Variants in MTREX observed in about 807,000 individuals in gnomAD.
The protein encoded by MTREX is Mtr4 exosome RNA helicase, also known as exosome RNA helicase MTR4.
In MTREX, 76 loss-of-function variants were observed where a neutral mutation model predicts 135.4. The observed-to-expected ratio is 0.56, with a 90% CI of 0.47 to 0.68. The LOEUF is 0.68. Ranked by LOEUF, MTREX falls within the 30% of genes least tolerant of loss-of-function variation. MTREX has a pLI of 0.00. For missense variants in MTREX, 920 were observed against 1,262.1 expected, an observed-to-expected ratio of 0.73 and a Z score of 4.11; for synonymous variants, 404 against 401.6, an observed-to-expected ratio of 1.01 and a Z score of -0.07.
chr5:55,343,163 T>G (rs570796665), intron 7 of MTREX, among the ~76,000 whole-genome samples, 168 bp from the exon 8 acceptor site: 1 of 152,218 alleles, frequency 6.6e-6, no homozygotes, highest in Admixed American at 6.5e-5. Flanking sequence ...TTCTACTGGA[T>G]AGATTAATGG....
At chr5:55,336,463 A>C (rs530344352) in intron 5 of MTREX, among the ~76,000 whole-genome samples, 39 of 152,326 alleles carry the variant, frequency 2.6e-4, no homozygotes, top group African/African-American at 9.4e-4. Context: ...TATTTTGTGA[A>C]ATGATTTTTC....
chr5:55,373,421 G>A (rs1209204815), intron 16 of MTREX, among the ~76,000 whole-genome samples: 3 of 151,780 alleles, frequency 2.0e-5, no homozygotes, highest in Non-Finnish European at 4.4e-5. Flanking sequence ...GGGAACTTTT[G>A]GATAGCTAAA....
chr5:55,379,222 T>G (rs1261409892), intron 18 of MTREX, 27 bp downstream of exon 18: 1 of 1,323,004 alleles, frequency 7.6e-7, no homozygotes, highest in Middle Eastern at 2.1e-4. Flanking sequence ...AAATTAGAAT[T>G]GTATATCAAT....
In MTREX at chr5:55,368,390, C is replaced by T. The variant is rs898518071; in HGVS notation, c.1810+1515C>T. On this transcript the variant is annotated intron_variant, in intron 16 of 26. Transcript: ENST00000230640. The stretch of plus-strand genomic sequence containing the variant: ...TGCTGGAACCCGGGAGCAGAGGTTG[C>T]AGTGAGCCGAGATTGTACCACTGCA... 3.9e-5 allele frequency among the ~76,000 whole-genome samples: 6 copies of T among 152,076 alleles called. 1 individual carries two copies. The South Asian group carries it at 1.2e-3, about 31-fold the overall frequency.
At chr5:55,386,215 C>G (rs537447645) in intron 18 of MTREX, among the ~76,000 whole-genome samples, 1 of 152,122 alleles carries the variant, frequency 6.6e-6, no homozygotes, top group Admixed American at 6.5e-5. Flanking sequence ...TTGCATTCTA[C>G]AAGCTCGGGA....
At chr5:55,382,393 T>C (rs1750410340) in intron 18 of MTREX, among the ~76,000 whole-genome samples, 1 of 152,108 alleles carries the variant, frequency 6.6e-6, no homozygotes, top group Non-Finnish European at 1.5e-5. Flanking sequence ...TGCTGGGGCT[T>C]TCCATATACG....
At position 55,400,336 on chromosome 5, in the gene MTREX, C is replaced by T; in HGVS notation, c.2396C>T (p.Ala799Val). ...AAAAAAGTCATTCAGAAAGTAGAAG[C>T]TTTTGAGCATCGAATGTATTCTCAT... Reference protein sequence around the residue: ...GLKKVIQKVEAFEHRMYSHPL... With the variant: ...GLKKVIQKVEVFEHRMYSHPL... Residue 799 changes from alanine (A) to valine (V), a missense_variant, in exon 21 of 27, where the codon GCT becomes GTT. By Grantham distance (64) the Ala-to-Val change is moderately conservative. Transcript: ENST00000230640. 2 of 1,613,090 alleles carry T rather than the reference C, an allele frequency of 1.2e-6. No individual in the cohort carries two copies. The highest frequency in any genetic ancestry group is 8.5e-7 in the Non-Finnish European group (1 of 1,179,568).
At chr5:55,325,618 G>A (rs1178011129) in intron 3 of MTREX, among the ~76,000 whole-genome samples, 3 of 152,048 alleles carry the variant, frequency 2.0e-5, no homozygotes, top group Admixed American at 2.0e-4. Flanking sequence ...CCAAAGTGCT[G>A]GGATTACAGG....
chr5:55,313,587 G>T (rs1749150836), intron 1 of MTREX, among the ~76,000 whole-genome samples: 1 of 152,044 alleles, frequency 6.6e-6, no homozygotes, highest in Non-Finnish European at 1.5e-5. Context: ...ATATATTGTG[G>T]TAACAGTGAA....
At chr5:55,324,106 T>C in intron 2 of MTREX, 26 bp from the exon 3 acceptor site, 1 of 1,562,896 alleles carries the variant, frequency 6.4e-7, no homozygotes, top group Non-Finnish European at 8.8e-7. Flanking sequence ...TTTGTTTTTG[T>C]GTAACTTTAA....
chr5:55,353,064 C>T (rs1749853083), intron 13 of MTREX, 104 bp from the exon 14 acceptor site: 2 of 589,148 alleles, frequency 3.4e-6, no homozygotes, highest in Non-Finnish European at 5.5e-6. Flanking sequence ...TGTAGGATCT[C>T]ATTAACTAAT....
At chr5:55,347,709 G>C (rs553904805) in intron 11 of MTREX, among the ~76,000 whole-genome samples, 1 of 152,344 alleles carries the variant, frequency 6.6e-6, no homozygotes, top group South Asian at 2.1e-4. Flanking sequence ...TTGTGTTGCT[G>C]TGACAGAATA....
intron 5 of MTREX, among the ~76,000 whole-genome samples, chr5:55,336,054 G>A (rs1427373288): frequency 6.6e-6 from 1 of 152,042 alleles, no homozygotes; most frequent in Non-Finnish European, 1.5e-5. Flanking sequence ...ATTGCTAATA[G>A]CTTGTATATT....
intron 22 of MTREX, among the ~76,000 whole-genome samples, chr5:55,407,278 A>T (rs996249882): frequency 6.6e-6 from 1 of 152,162 alleles, no homozygotes; most frequent in African/African-American, 2.4e-5. Flanking sequence ...GGCAGTGACT[A>T]CCCAGCCCTA....
chr5:55,363,008 T>TA (rs760505917), intron 15 of MTREX, among the ~76,000 whole-genome samples: 11 of 152,186 alleles, frequency 7.2e-5, no homozygotes, highest in Non-Finnish European at 1.6e-4. Flanking sequence ...TTACTTAGAG[T>TA]ACATAAAGTG....
At position 55,410,587 on chromosome 5, in the gene MTREX, A is replaced by T. The variant is rs1171727517; in HGVS notation, c.2709A>T (p.Glu903Asp). ...FNGLFNDLSAEQATALLSCFV... is the reference protein window; with the variant it reads ...FNGLFNDLSADQATALLSCFV... ...GCCTTTTCAATGACCTTTCTGCAGA[A>T]CAGGCAACAGCATTATTAAGCTGCT... is the stretch of plus-strand genomic sequence containing the variant. Residue 903 changes from glutamate (E) to aspartate (D), a missense_variant, in exon 23 of 27, where the codon GAA becomes GAT. Transcript: ENST00000230640. 1 of 1,611,356 alleles carries T rather than the reference A, an allele frequency of 6.2e-7. No individual in the cohort carries two copies. Among genetic ancestry groups the T allele is most frequent in the Non-Finnish European group, 8.5e-7 (1 of 1,178,170 alleles).
At chr5:55,328,019 A>C (rs1749411305) in intron 4 of MTREX, among the ~76,000 whole-genome samples, 1 of 152,200 alleles carries the variant, frequency 6.6e-6, no homozygotes, top group African/African-American at 2.4e-5. Flanking sequence ...AAAAGAATGT[A>C]ATGAAAGTTA....
At chr5:55,338,753 TC>T (rs1749593474) in intron 5 of MTREX, among the ~76,000 whole-genome samples, 1 of 151,084 alleles carries the variant, frequency 6.6e-6, no homozygotes, top group Admixed American at 6.6e-5. Context: ...GAGAATTTTT[TC>T]TTTTGATTGT....
chr5:55,420,625 G>A (rs867807980), intron 25 of MTREX, among the ~76,000 whole-genome samples: 6 of 152,180 alleles, frequency 3.9e-5, no homozygotes, highest in African/African-American at 1.4e-4. Flanking sequence ...GCCACATAGT[G>A]TATAATTTCA....
Sources: allele counts gnomAD v4.1 joint callset (sites outside exome capture counted in the v4.1 genomes callset), GRCh38; gene constraint gnomAD v4.1.1; transcripts MANE v1.5; gene names NCBI Gene and HGNC (gene_info 2026-07-23, HGNC 2026-07-21).